Variants in ARAP2 observed in about 807,000 individuals in gnomAD.
ARAP2 encodes the protein ArfGAP with RhoGAP domain, ankyrin repeat and PH domain 2.
Under a neutral mutation model 194.5 loss-of-function variants are expected in ARAP2, and 148 were observed. The observed-to-expected ratio is 0.76, with a 90% CI of 0.67 to 0.87. The LOEUF (loss-of-function observed/expected upper bound fraction) is 0.87, where lower values mean the gene tolerates loss of function less well. ARAP2 is among the 40% of genes least tolerant of loss of function. ARAP2 has a pLI of 0.00. For synonymous variants in ARAP2, 695 were observed against 683.5 expected, an observed-to-expected ratio of 1.02 and a Z score of -0.26; for missense variants, 2,128 against 1,989.7, an observed-to-expected ratio of 1.07 and a Z score of -1.32.
At chr4:36,021,727 T>C (rs1210534610) in intron 5 of ARAP2, among the ~76,000 whole-genome samples, 1 of 151,864 alleles carries the variant, frequency 6.6e-6, no homozygotes, top group African/African-American at 2.4e-5. Context: ...TAATATAGGA[T>C]ATGTGATACA....
intron 31 of ARAP2, 94 bp downstream of exon 31, chr4:36,080,122 C>A: frequency 1.0e-6 from 1 of 988,192 alleles, no homozygotes; most frequent in East Asian, 2.6e-5. Context: ...ATTTAAAATG[C>A]TTATTAAAAA....
chr4:36,070,215 C>A (rs1318993790), intron 32 of ARAP2, among the ~76,000 whole-genome samples: 2 of 152,006 alleles, frequency 1.3e-5, no homozygotes, highest in Non-Finnish European at 2.9e-5. Flanking sequence ...AGTGAACTGT[C>A]AAGAGTTAGG....
At chr4:36,086,086 G>A (rs1711723051) in intron 28 of ARAP2, among the ~76,000 whole-genome samples, 4 of 152,062 alleles carry the variant, frequency 2.6e-5, no homozygotes, top group Non-Finnish European at 4.4e-5. Context: ...CTAGCCACCT[G>A]TGTCAGAGGT....
intron 9 of ARAP2, among the ~76,000 whole-genome samples, chr4:36,173,210 G>A (rs1000544002): frequency 2.0e-5 from 3 of 152,180 alleles, no homozygotes; most frequent in South Asian, 4.2e-4. Context: ...GGGCTGTCAG[G>A]ACAACAGAAC....
intron 28 of ARAP2, among the ~76,000 whole-genome samples, chr4:36,085,245 T>C (rs1730540612): frequency 6.6e-6 from 1 of 152,122 alleles, no homozygotes; most frequent in African/African-American, 2.4e-5. Context: ...TTTTGGGGGT[T>C]GGTTTCTTAA....
chr4:36,130,813 T>A (rs988857261), intron 20 of ARAP2, among the ~76,000 whole-genome samples: 3 of 151,962 alleles, frequency 2.0e-5, no homozygotes, highest in Non-Finnish European at 4.4e-5. Context: ...AATGCAAGAA[T>A]AAGCAAGTTC....
chr4:36,021,248 T>C (rs149005880), intron 5 of ARAP2, among the ~76,000 whole-genome samples: 16 of 152,168 alleles, frequency 1.1e-4, no homozygotes, highest in African/African-American at 3.9e-4. Flanking sequence ...AAATAGAAGG[T>C]TCATGGCAAG....
intron 9 of ARAP2, among the ~76,000 whole-genome samples, chr4:36,168,143 C>A (rs551821668): frequency 1.3e-5 from 2 of 152,254 alleles, no homozygotes; most frequent in Non-Finnish European, 2.9e-5. Context: ...GTATTCTCCT[C>A]TCCCCTACAC....
chr4:36,170,489 A>G (rs1382464508), intron 9 of ARAP2, among the ~76,000 whole-genome samples: 1 of 152,218 alleles, frequency 6.6e-6, no homozygotes, highest in Admixed American at 6.5e-5. Context: ...AGAACATACA[A>G]AAACCAAAAA....
intron 21 of ARAP2, among the ~76,000 whole-genome samples, chr4:36,126,279 T>C (rs1723881412): frequency 6.6e-6 from 1 of 152,014 alleles, no homozygotes; most frequent in African/African-American, 2.4e-5. Flanking sequence ...ATTTATTCCT[T>C]AAAATTTAAC....
chr4:36,035,052 G>C (rs1339570154), intron 5 of ARAP2, among the ~76,000 whole-genome samples: 1 of 152,014 alleles, frequency 6.6e-6, no homozygotes, highest in Non-Finnish European at 1.5e-5. Context: ...GTTTTTGGTG[G>C]TGTTGTGTCT....
At chr4:36,035,705 TTTTG>T (rs1363783578) in intron 5 of ARAP2, among the ~76,000 whole-genome samples, 7 of 152,130 alleles carry the variant, frequency 4.6e-5, no homozygotes, top group Non-Finnish European at 1.0e-4. Context: ...TTTTTTAAAT[TTTTG>T]TTTAAGAAAT....
intron 28 of ARAP2, among the ~76,000 whole-genome samples, chr4:36,089,068 C>G (rs1461545152): frequency 6.6e-6 from 1 of 152,072 alleles, no homozygotes; most frequent in East Asian, 1.9e-4. Flanking sequence ...CCATCCAAAA[C>G]AGGAGAAAGA....
intron 24 of ARAP2, among the ~76,000 whole-genome samples, chr4:36,117,824 T>C (rs189401181): frequency 2.2e-3 from 339 of 151,688 alleles, no homozygotes; most frequent in Non-Finnish European, 4.0e-3. Flanking sequence ...GTGAAGAAGA[T>C]GCAAGCCTGA....
intron 9 of ARAP2, among the ~76,000 whole-genome samples, chr4:36,173,262 A>C (rs1383750709): frequency 6.6e-6 from 1 of 152,178 alleles, no homozygotes; most frequent in East Asian, 1.9e-4. Context: ...TTCCTCTTGT[A>C]CGCTTGCAGA....
downstream of ARAP2, among the ~76,000 whole-genome samples, chr4:36,063,229 G>A (rs555891526): frequency 6.6e-6 from 1 of 152,010 alleles, no homozygotes; most frequent in South Asian, 2.1e-4. Flanking sequence ...AACACCGCAT[G>A]TTCTCACTCA....
chr4:36,130,082 A>G (rs948834100), intron 20 of ARAP2, among the ~76,000 whole-genome samples: 5 of 151,512 alleles, frequency 3.3e-5, no homozygotes, highest in African/African-American at 1.2e-4. Flanking sequence ...CTTCATCATG[A>G]TCTCACTCTC....
At chr4:36,058,680 T>C (rs1257345961) in intron 1 of ARAP2, among the ~76,000 whole-genome samples, 1 of 152,116 alleles carries the variant, frequency 6.6e-6, no homozygotes, top group Non-Finnish European at 1.5e-5. Context: ...GATTCATTCA[T>C]TCAATATATG....
At chr4:36,126,732 T>C (rs1459310267) in intron 21 of ARAP2, among the ~76,000 whole-genome samples, 1 of 152,070 alleles carries the variant, frequency 6.6e-6, no homozygotes, top group Middle Eastern at 3.2e-3. Context: ...AAGTGAAAGG[T>C]GAACACTCCT....
Sources: gnomAD v4.1 joint callset for allele counts (sites outside exome capture counted in the v4.1 genomes callset) on GRCh38, gnomAD v4.1.1 for gene constraint, MANE v1.5 for transcripts, NCBI Gene and HGNC (gene_info 2026-07-23, HGNC 2026-07-21) for gene names.